ZNF716: variants seen among roughly 807,000 people sequenced by gnomAD.
The protein encoded by ZNF716 is zinc finger protein 716.
ZNF716 carries 9 observed loss-of-function variants against 13.4 expected under a neutral mutation model. That is an observed-to-expected ratio of 0.67 (90% CI 0.41 to 1.18). The LOEUF (loss-of-function observed/expected upper bound fraction) is 1.18, where lower values mean the gene tolerates loss of function less well. Ranked by LOEUF, ZNF716 falls within the 50% of genes most tolerant of loss-of-function variation. The probability of loss-of-function intolerance (pLI) is 0.01; values close to 1 mark genes in which losing one functional copy is unlikely to be tolerated. For synonymous variants in ZNF716, 186 were observed against 195.2 expected (o/e 0.95, Z 0.39); for missense variants, 581 against 576.6 (o/e 1.01, Z -0.08).
In ZNF716 at chr7:57,472,899, A is replaced by G. The variant is rs1322867151; in HGVS notation, c.*2950A>G. On this transcript the variant is annotated 3_prime_UTR_variant, in exon 4 of 4. Coordinates refer to ENST00000420713, the MANE Select transcript of ZNF716 (RefSeq NM_001159279.1). ...CATACACACTTATGGCATATATGAG[A>G]TATGTTAACACATGCACATAATATT... is the stretch of plus-strand genomic sequence containing the variant. 6.6e-6 allele frequency: 1 copy of G among 152,072 alleles called. No homozygotes were observed. The highest frequency in any genetic ancestry group is 1.5e-5 in the Non-Finnish European group (1 of 68,028). 9.4% of individuals were successfully genotyped at this position (152,072 alleles called of 1,614,324 possible). A position where few individuals can be genotyped will look rare whatever the true frequency, so the allele number is the denominator to read the frequency against.
intron 1 of ZNF716, among the ~76,000 whole-genome samples, chr7:57,454,710 G>A (rs532311265): frequency 1.3e-5 from 2 of 152,270 alleles, no homozygotes; most frequent in African/African-American, 4.8e-5. Flanking sequence ...AGCAAATTCA[G>A]ATATTCAGAT....
At position 57,469,065 on chromosome 7, in the gene ZNF716, C is replaced by A. The variant is rs538224199; in HGVS notation, c.604C>A (p.Gln202Lys). 5.6e-6 allele frequency: 9 copies of A among 1,607,800 alleles called. No individual in the cohort carries two copies. In the Admixed American group the frequency reaches 1.4e-4, roughly 24 times the overall value. The change falls in exon 4 of 4, where the codon CAA becomes AAA. Residue 202 changes from glutamine (Q) to lysine (K), a missense_variant. By Grantham distance (53) the Gln-to-Lys change is moderately conservative. Transcript: ENST00000420713. ...ATTTTGCATGCTTTCACGCCTAAAT[C>A]AACATCAGATAATTCATACTAGGGA... ...KSFCMLSRLN[Q>K]HQIIHTREKS...
chr7:57,453,425 C>T (rs530430739), intron 1 of ZNF716, among the ~76,000 whole-genome samples: 71 of 152,226 alleles, frequency 4.7e-4, no homozygotes, highest in African/African-American at 1.5e-3. Flanking sequence ...TCACTTCTTT[C>T]GACTTAAGTT....
chr7:57,469,253 T>A lies in ZNF716; in HGVS notation c.792T>A (p.Thr264=). ...TTACTAAACATAAGAGAATTCATAC[T>A]GGAGAGAAACCTTACACATGTGAAG... ...ASLTKHKRIH[T]GEKPYTCEER... is the part of the protein sequence containing the mutation. Residue 264 remains threonine, a synonymous_variant, in exon 4 of 4, where the codon ACT becomes ACA. Coordinates refer to ENST00000420713, the MANE Select transcript of ZNF716 (RefSeq NM_001159279.1). The A allele has an allele frequency of 6.2e-7, 1 of 1,611,938 alleles. No homozygotes were observed. The highest frequency in any genetic ancestry group is 8.5e-7 in the Non-Finnish European group (1 of 1,178,814).
chr7:57,470,055 AC>A lies in ZNF716; in HGVS notation c.*108del. On this transcript the variant is annotated 3_prime_UTR_variant, in exon 4 of 4. Coordinates refer to ENST00000420713, the MANE Select transcript of ZNF716 (RefSeq NM_001159279.1). The stretch of plus-strand genomic sequence containing the variant: ...TGGCCAATTCTTTAACCAGTTCCAA[AC>A]CACTGCTGTCCATAAGATAATTCAT... The A allele has an allele frequency of 2.8e-6, 3 of 1,082,588 alleles. No homozygotes were observed. Among genetic ancestry groups the A allele is most frequent in the Non-Finnish European group, 2.6e-6 (2 of 769,052 alleles). The allele number at this position is 1,082,588 out of a possible 1,614,324, so 67.1% of individuals were successfully genotyped here.
At chr7:57,456,495 G>T (rs527525087) in intron 1 of ZNF716, among the ~76,000 whole-genome samples, 1 of 152,148 alleles carries the variant, frequency 6.6e-6, no homozygotes, top group Admixed American at 6.5e-5. Context: ...TATCAGGATG[G>T]AAATGTTGGA....
At chr7:57,463,231 A>C in intron 3 of ZNF716, 63 bp downstream of exon 3, 1 of 1,588,716 alleles carries the variant, frequency 6.3e-7, no homozygotes, top group Non-Finnish European at 8.5e-7. Flanking sequence ...GGAGGAAGCC[A>C]GTCCTTAAAA....
intron 1 of ZNF716, among the ~76,000 whole-genome samples, chr7:57,460,311 CT>C (rs1554322829): frequency 6.9e-6 from 1 of 144,652 alleles, no homozygotes; most frequent in African/African-American, 2.6e-5. Context: ...AGTAGAATCG[CT>C]TGAACCCAAG....
chr7:57,455,292 T>C (rs2116405822), intron 1 of ZNF716, among the ~76,000 whole-genome samples: 1 of 152,264 alleles, frequency 6.6e-6, no homozygotes, highest in East Asian at 1.9e-4. Flanking sequence ...TACTCAAAGG[T>C]CAGGAGCCCT....
chr7:57,464,529 A>T (rs1290250631), intron 3 of ZNF716, among the ~76,000 whole-genome samples: 1 of 152,020 alleles, frequency 6.6e-6, no homozygotes, highest in African/African-American at 2.4e-5. Context: ...AAATATTGTC[A>T]CCCATTTCTT....
chr7:57,464,866 T>C (rs1238964829), intron 3 of ZNF716, among the ~76,000 whole-genome samples: 5 of 152,218 alleles, frequency 3.3e-5, no homozygotes, highest in Non-Finnish European at 7.3e-5. Flanking sequence ...GGCAACCCTG[T>C]GGCAGATTAT....
chr7:57,451,361 G>A (rs1789490036), intron 1 of ZNF716, among the ~76,000 whole-genome samples: 1 of 150,972 alleles, frequency 6.6e-6, no homozygotes, highest in African/African-American at 2.4e-5. Flanking sequence ...AGTGAGAGCC[G>A]AGAAGAATCA....
Position 57,468,863 on chromosome 7 carries a change from G to C in ZNF716, c.402G>C (p.Glu134Asp), listed in dbSNP as rs1180979856. 8.1e-6 allele frequency: 13 copies of C among 1,613,548 alleles called. No homozygotes were observed. Among genetic ancestry groups the C allele is most frequent in the Non-Finnish European group, 1.1e-5 (13 of 1,179,824 alleles). The part of the protein sequence containing the change: ...QVKKCCKSVG[E>D]CEVHKGGYNY... Reference sequence around the variant, plus strand: ...AAAAATGCTGTAAAAGTGTAGGTGAGTGTGAGGTGCACAAAGGAGGTTATA... The same window carrying C: ...AAAAATGCTGTAAAAGTGTAGGTGACTGTGAGGTGCACAAAGGAGGTTATA... The change falls in exon 4 of 4, where the codon GAG (glutamate) becomes GAC (aspartate). Residue 134 changes from glutamate to aspartate, a missense_variant. Physicochemically the swap from Glu to Asp is conservative, Grantham distance 45 (BLOSUM62 2). Transcript: ENST00000420713.
chr7:57,463,415 T>A (rs1422486803), intron 3 of ZNF716, among the ~76,000 whole-genome samples: 1 of 152,246 alleles, frequency 6.6e-6, no homozygotes, highest in South Asian at 2.1e-4. Flanking sequence ...AAGTTTTCTT[T>A]ATGGCTTATA....
At chr7:57,461,067 C>T (rs1365644638) in intron 1 of ZNF716, among the ~76,000 whole-genome samples, 4 of 150,836 alleles carry the variant, frequency 2.7e-5, no homozygotes, top group South Asian at 4.2e-4. Flanking sequence ...GTCAGGAGTT[C>T]GAGACCAACC....
intron 1 of ZNF716, among the ~76,000 whole-genome samples, chr7:57,459,143 G>A (rs557846380): frequency 5.3e-5 from 8 of 152,136 alleles, no homozygotes; most frequent in Admixed American, 1.3e-4. Flanking sequence ...TAAAATTAAT[G>A]ATAAACATAA....
intron 1 of ZNF716, among the ~76,000 whole-genome samples, chr7:57,461,303 T>G (rs1281752762): frequency 6.6e-6 from 1 of 152,040 alleles, no homozygotes. Flanking sequence ...TACAATTTAC[T>G]TTTCTGGGAG....
chr7:57,452,611 C>G (rs1351458186), intron 1 of ZNF716, among the ~76,000 whole-genome samples: 2 of 152,066 alleles, frequency 1.3e-5, no homozygotes, highest in African/African-American at 4.8e-5. Flanking sequence ...GCACTCCAAC[C>G]TGGACAACAG....
intron 1 of ZNF716, among the ~76,000 whole-genome samples, chr7:57,451,441 ATTTTT>A (rs782311074): frequency 9.0e-5 from 8 of 89,034 alleles, no homozygotes; most frequent in African/African-American, 2.8e-4. Context: ...TTTCCCTTGG[ATTTTT>A]TTTTTTTTTT....
Sources: gnomAD v4.1 joint callset for allele counts (sites outside exome capture counted in the v4.1 genomes callset) on GRCh38, gnomAD v4.1.1 for gene constraint, MANE v1.5 for transcripts, NCBI Gene and HGNC (gene_info 2026-07-23, HGNC 2026-07-21) for gene names.